The following TENT4A variants were observed in gnomAD, a reference collection of about 807,000 sequenced individuals.
TENT4A encodes DNA polymerase kappa.
A neutral mutation model predicts 72.8 loss-of-function variants in TENT4A; 7 were observed. The ratio of observed to expected loss-of-function variants is 0.10; its 90% confidence interval spans 0.05 to 0.18. The LOEUF (loss-of-function observed/expected upper bound fraction) is 0.18, where lower values mean the gene tolerates loss of function less well. TENT4A is among the 10% of genes least tolerant of loss of function. The pLI is 1.00. For synonymous variants in TENT4A, 456 were observed against 434.3 expected, an observed-to-expected ratio of 1.05 and a Z score of -0.62; for missense variants, 831 against 1,017.7, an observed-to-expected ratio of 0.82 and a Z score of 2.50.
chr5:6,727,741 T>G (rs1741006966), intron 1 of TENT4A, among the ~76,000 whole-genome samples: 1 of 152,192 alleles, frequency 6.6e-6, no homozygotes, highest in Admixed American at 6.5e-5. Flanking sequence ...TAGCAACTTT[T>G]TGGTTTATTT....
rs1394909243 is a variant in TENT4A, at chr5:6,753,030, A to G, written c.2177A>G (p.Tyr726Cys). 7.4e-6 allele frequency: 12 copies of G among 1,613,970 alleles called. No homozygotes were observed. The highest frequency in any genetic ancestry group is 1.0e-5 in the Non-Finnish European group (12 of 1,179,924). The change falls in exon 12 of 13, where the codon TAT (tyrosine) becomes TGT (cysteine). Residue 726 changes from tyrosine to cysteine, a missense_variant. By Grantham distance (194) the Tyr-to-Cys change is radical. Around this residue, in one of 3 missense-constraint regions of TENT4A, gnomAD observed 332 missense variants for 324.3 expected, o/e 1.02. Coordinates refer to ENST00000230859, the MANE Select transcript of TENT4A (RefSeq NM_006999.6). The part of the protein sequence containing the change: ...SPNPLSSPHL[Y>C]HKQHNGMKLS... Reference sequence around the variant, plus strand: ...AACCCGCTCTCGAGCCCTCATCTGTATCATAAGGTATAGCTCTGTCCTGGT... The same window carrying G: ...AACCCGCTCTCGAGCCCTCATCTGTGTCATAAGGTATAGCTCTGTCCTGGT...
chr5:6,716,724 C>T (rs1740407970), intron 1 of TENT4A, among the ~76,000 whole-genome samples: 1 of 152,250 alleles, frequency 6.6e-6, no homozygotes, highest in South Asian at 2.1e-4. Flanking sequence ...CTCCTGGCCC[C>T]ACCCCTTGCC....
At chr5:6,739,245 C>T (rs1000584749) in intron 3 of TENT4A, among the ~76,000 whole-genome samples, 19 of 152,202 alleles carry the variant, frequency 1.2e-4, no homozygotes, top group Admixed American at 1.0e-3. Flanking sequence ...AGCTTACCTT[C>T]TATTAACCCA....
chr5:6,719,436 A>G (rs977782882), intron 1 of TENT4A, among the ~76,000 whole-genome samples: 1 of 152,224 alleles, frequency 6.6e-6, no homozygotes, highest in Non-Finnish European at 1.5e-5. Context: ...AATTTGGACT[A>G]AAGGTACAGA....
intron 1 of TENT4A, among the ~76,000 whole-genome samples, chr5:6,737,273 G>A (rs1162552653): frequency 1.3e-5 from 2 of 152,224 alleles, no homozygotes; most frequent in African/African-American, 4.8e-5. Flanking sequence ...AGTCTTTAAA[G>A]GCCAGTTATA....
intron 1 of TENT4A, 46 bp downstream of exon 1, chr5:6,714,745 C>G (rs1740275380): frequency 9.0e-7 from 1 of 1,111,352 alleles, no homozygotes; most frequent in Admixed American, 4.6e-5. Flanking sequence ...GGCCCATGGT[C>G]CTGGCCGGCG....
chr5:6,723,958 T>C (rs1294072819), intron 1 of TENT4A, among the ~76,000 whole-genome samples: 2 of 152,226 alleles, frequency 1.3e-5, no homozygotes, highest in Non-Finnish European at 2.9e-5. Context: ...TCTGATGAGC[T>C]GTTTACTCGC....
At chr5:6,719,625 G>A (rs1293528299) in intron 1 of TENT4A, among the ~76,000 whole-genome samples, 1 of 152,184 alleles carries the variant, frequency 6.6e-6, no homozygotes, top group Non-Finnish European at 1.5e-5. Flanking sequence ...GCCTTGAGAA[G>A]CACCTCAGGG....
rs765044790 is a variant in TENT4A at position 6,749,627 on chromosome 5, G to A, written c.1657G>A (p.Gly553Ser). The change falls in exon 9 of 13, where the codon GGC becomes AGC. Residue 553 changes from glycine to serine, a missense_variant. Gly to Ser is a moderately conservative substitution (Grantham distance 56, BLOSUM62 0). Transcript: ENST00000230859. ...DYRRWIKEKW[G>S]SKAHPSPGMD... Reference sequence around the variant, plus strand: ...CCGGAGGTGGATCAAAGAGAAGTGGGGCAGCAAAGCCCACCCGTCGCCAGG... The same window carrying A: ...CCGGAGGTGGATCAAAGAGAAGTGGAGCAGCAAAGCCCACCCGTCGCCAGG... 2 of 1,613,706 alleles carry A rather than the reference G, an allele frequency of 1.2e-6. No homozygotes were observed. Among genetic ancestry groups the A allele is most frequent in the African/African-American group, 1.3e-5 (1 of 75,026 alleles).
intron 1 of TENT4A, among the ~76,000 whole-genome samples, chr5:6,723,197 G>GTTTTA (rs968757273): frequency 3.3e-5 from 5 of 152,230 alleles, no homozygotes; most frequent in African/African-American, 1.2e-4. Context: ...AAAAGCCGCT[G>GTTTTA]TTTTAATAGC....
intron 7 of TENT4A, 56 bp from the exon 8 acceptor site, chr5:6,748,408 A>G: frequency 1.9e-6 from 3 of 1,599,798 alleles, no homozygotes; most frequent in Non-Finnish European, 2.6e-6. Flanking sequence ...AAGATCCAAA[A>G]CATGTGGACG....
intron 11 of TENT4A, among the ~76,000 whole-genome samples, chr5:6,751,846 GT>G (rs1181979949): frequency 3.1e-4 from 47 of 152,278 alleles, no homozygotes; most frequent in African/African-American, 1.0e-3. Context: ...ATAAAGCTAT[GT>G]AGGTACATGC....
chr5:6,741,670 A>T (rs1194569364), intron 4 of TENT4A, among the ~76,000 whole-genome samples: 1 of 152,202 alleles, frequency 6.6e-6, no homozygotes, highest in East Asian at 1.9e-4. Flanking sequence ...ATGTCCTCAC[A>T]CGCTGAGTCC....
chr5:6,722,244 CTG>C (rs1258796267), intron 1 of TENT4A, among the ~76,000 whole-genome samples: 5 of 152,214 alleles, frequency 3.3e-5, no homozygotes, highest in Admixed American at 6.5e-5. Flanking sequence ...TGGAAGCACT[CTG>C]TGAGTTGTCA....
chr5:6,756,401 C>G lies in TENT4A; in HGVS notation c.*1456C>G, dbSNP rs1488341746. 2 of 152,582 alleles carry G rather than the reference C, an allele frequency of 1.3e-5. No homozygotes were observed. The highest frequency in any genetic ancestry group is 6.5e-5 in the Admixed American group (1 of 15,284). The allele number at this position is 152,582 out of a possible 1,614,324, so 9.5% of individuals were successfully genotyped here. On this transcript the variant is annotated 3_prime_UTR_variant, in exon 13 of 13. Coordinates refer to ENST00000230859, the MANE Select transcript of TENT4A (RefSeq NM_006999.6). ...CAGGTAGGTTGGTCTTTGAAGTCCA[C>G]TAGTGGAGAATGTCAAGACAAGATA... is the stretch of plus-strand genomic sequence containing the variant.
At chr5:6,748,029 T>C (rs1742198783) in intron 7 of TENT4A, among the ~76,000 whole-genome samples, 1 of 152,224 alleles carries the variant, frequency 6.6e-6, no homozygotes, top group African/African-American at 2.4e-5. Context: ...CTACCTGCCC[T>C]GTTGGGGCAC....
At chr5:6,727,326 A>C (rs1353589828) in intron 1 of TENT4A, among the ~76,000 whole-genome samples, 1 of 152,134 alleles carries the variant, frequency 6.6e-6, no homozygotes, top group Non-Finnish European at 1.5e-5. Context: ...GGCTGCATGC[A>C]GGCCGAGGGC....
At chr5:6,731,027 A>T (rs550330629) in intron 1 of TENT4A, among the ~76,000 whole-genome samples, 95 of 152,316 alleles carry the variant, frequency 6.2e-4, no homozygotes, top group African/African-American at 2.1e-3. Flanking sequence ...TATCAGTGCG[A>T]TGTAGTAGTG....
At position 6,748,510 on chromosome 5, in the gene TENT4A, G is replaced by A; in HGVS notation, c.1506G>A (p.Gln502=). ...CCTATGGCGCCATGCAGGTGAAGCA[G>A]GTCTTCGATTATGCCTACATAGTGC... ...RSSYGAMQVK[Q]VFDYAYIVLS... The change falls in exon 8 of 13, where the codon CAG becomes CAA. Residue 502 remains glutamine (Q), a synonymous_variant. Transcript: ENST00000230859. 5 of 1,614,158 alleles carry A rather than the reference G, an allele frequency of 3.1e-6. No individual in the cohort carries two copies. The highest frequency in any genetic ancestry group is 4.2e-6 in the Non-Finnish European group (5 of 1,180,010).
Sources: gnomAD v4.1 joint callset for allele counts (sites outside exome capture counted in the v4.1 genomes callset) on GRCh38, gnomAD v4.1.1 for gene constraint, gnomAD v4.1.1 regional missense constraint, MANE v1.5 for transcripts, NCBI Gene and HGNC (gene_info 2026-07-23, HGNC 2026-07-21) for gene names.